The following NEGR1 variants were observed in gnomAD, a reference collection of about 807,000 sequenced individuals.
NEGR1 encodes neuronal growth regulator 1.
In NEGR1, 10 loss-of-function variants were observed where a neutral mutation model predicts 40.9. The observed-to-expected ratio is 0.24, with a 90% CI of 0.15 to 0.42. NEGR1 has a LOEUF of 0.42. NEGR1 is among the 10% of genes least tolerant of loss of function. The pLI is 1.00. For synonymous variants in NEGR1, 185 were observed against 166.8 expected (o/e 1.11, Z -0.84); for missense variants, 352 against 438.9 (o/e 0.80, Z 1.77).
intron 1 of NEGR1, among the ~76,000 whole-genome samples, chr1:72,174,768 T>TA (rs1209356760): frequency 1.3e-5 from 2 of 151,870 alleles, no homozygotes; most frequent in African/African-American, 2.4e-5. Flanking sequence ...AAAAAAAATT[T>TA]AAAAAAAATT....
intron 2 of NEGR1, among the ~76,000 whole-genome samples, chr1:71,864,656 G>A (rs980019418): frequency 6.6e-6 from 1 of 151,814 alleles, no homozygotes; most frequent in Non-Finnish European, 1.5e-5. Flanking sequence ...CAAAGAAAAG[G>A]GCAACACAAG....
intron 6 of NEGR1, among the ~76,000 whole-genome samples, chr1:71,496,945 T>C (rs1646967848): frequency 6.6e-6 from 1 of 152,180 alleles, no homozygotes; most frequent in African/African-American, 2.4e-5. Flanking sequence ...TACTGGAAAA[T>C]TGATAAATCA....
intron 1 of NEGR1, among the ~76,000 whole-genome samples, chr1:72,012,842 C>CATACATATAT (rs1553130329): frequency 7.1e-6 from 1 of 140,172 alleles, no homozygotes; most frequent in Non-Finnish European, 1.5e-5. Context: ...TATATACATA[C>CATACATATAT]ATATATATAT....
At chr1:72,164,449 T>G (rs1194688151) in intron 1 of NEGR1, among the ~76,000 whole-genome samples, 1 of 152,020 alleles carries the variant, frequency 6.6e-6, no homozygotes, top group Non-Finnish European at 1.5e-5. Flanking sequence ...CTGAATCAGC[T>G]TTAATATTCC....
intron 1 of NEGR1, among the ~76,000 whole-genome samples, chr1:72,179,533 T>C (rs976571149): frequency 6.6e-6 from 1 of 151,976 alleles, no homozygotes; most frequent in Non-Finnish European, 1.5e-5. Flanking sequence ...ATGTGTCCAG[T>C]AAGTATTAAG....
intron 4 of NEGR1, among the ~76,000 whole-genome samples, chr1:71,697,099 T>C (rs536156681): frequency 6.6e-6 from 1 of 151,940 alleles, no homozygotes; most frequent in East Asian, 1.9e-4. Context: ...CAACTGCTGA[T>C]TAGCTTTAAC....
At chr1:71,493,771 T>G (rs1299660715) in intron 6 of NEGR1, among the ~76,000 whole-genome samples, 1 of 152,228 alleles carries the variant, frequency 6.6e-6, no homozygotes, top group African/African-American at 2.4e-5. Context: ...TTCCAGTTTT[T>G]GTTGTGTCAA....
chr1:71,505,527 A>C (rs1431413205), intron 6 of NEGR1, among the ~76,000 whole-genome samples: 1 of 151,984 alleles, frequency 6.6e-6, no homozygotes, highest in Non-Finnish European at 1.5e-5. Context: ...GTGATCCACC[A>C]GCCTCAGCCT....
intron 2 of NEGR1, among the ~76,000 whole-genome samples, chr1:71,834,376 T>C (rs1042310041): frequency 2.0e-5 from 3 of 152,030 alleles, no homozygotes; most frequent in Admixed American, 1.3e-4. Context: ...ACCTCCCCAG[T>C]GTGGGTGGGC....
intron 6 of NEGR1, among the ~76,000 whole-genome samples, chr1:71,534,069 T>A (rs376318478): frequency 4.6e-5 from 7 of 151,786 alleles, no homozygotes; most frequent in South Asian, 2.1e-4. Flanking sequence ...TTATGTAAAA[T>A]CTTGCCTTGG....
At chr1:72,077,665 T>TAGGC (rs1018473727) in intron 1 of NEGR1, among the ~76,000 whole-genome samples, 6 of 149,916 alleles carry the variant, frequency 4.0e-5, no homozygotes, top group African/African-American at 1.5e-4. Context: ...AATAAATAAA[T>TAGGC]AGGCCGGTGC....
intron 1 of NEGR1, among the ~76,000 whole-genome samples, chr1:72,173,432 T>C (rs1041994825): frequency 1.3e-5 from 2 of 151,168 alleles, no homozygotes; most frequent in East Asian, 3.9e-4. Flanking sequence ...TGTTGGATTA[T>C]CACCTCGAAT....
In NEGR1 at chr1:71,789,881, G is replaced by A. The variant is rs1481188753; in HGVS notation, c.410-13584C>T. Among the ~76,000 whole-genome samples the A allele has an allele frequency of 2.6e-5, 4 of 152,122 alleles. No homozygotes were observed. In the East Asian group the frequency reaches 7.7e-4, roughly 29 times the overall value. ...AATCCAAATATGCTACCTGGTAAAA[G>A]TTAGCTCTTTTATTCTGTATTTTTG... is the stretch of plus-strand genomic sequence containing the variant. On this transcript the variant is annotated intron_variant, in intron 2 of 6. Coordinates refer to ENST00000357731, the MANE Select transcript of NEGR1 (RefSeq NM_173808.3).
At chr1:71,421,521 C>A (rs1160623419) in intron 6 of NEGR1, 2 of 152,054 alleles carry the variant, frequency 1.3e-5, no homozygotes, top group African/African-American at 2.4e-5. Flanking sequence ...ACAGTAACTT[C>A]TCTACTTCCT....
At chr1:71,483,840 A>G (rs565821954) in intron 6 of NEGR1, among the ~76,000 whole-genome samples, 1 of 151,936 alleles carries the variant, frequency 6.6e-6, no homozygotes, top group South Asian at 2.1e-4. Context: ...ATAAATGAAA[A>G]TGCCTAGCAT....
intron 3 of NEGR1, among the ~76,000 whole-genome samples, chr1:71,744,737 T>C (rs775509848): frequency 4.6e-5 from 7 of 152,182 alleles, no homozygotes; most frequent in Non-Finnish European, 8.8e-5. Context: ...AGTTCAATCT[T>C]AGTTTTTTAA....
Position 71,398,699 on chromosome 1 carries a change from G to T in NEGR1, c.*8747C>A, listed in dbSNP as rs954358425. Reference sequence around the variant, plus strand: ...AGGGACTGTTGGGAAAGCATGATTGGTTTTGAAATGTGAGGACATGAGATT... The same window carrying T: ...AGGGACTGTTGGGAAAGCATGATTGTTTTTGAAATGTGAGGACATGAGATT... On this transcript the variant is annotated 3_prime_UTR_variant, in exon 7 of 7. Transcript: ENST00000357731. The T allele has an allele frequency of 9.2e-5, 14 of 152,208 alleles. No homozygotes were observed. The highest frequency in any genetic ancestry group is 3.4e-4 in the African/African-American group (14 of 41,422). 9.4% of individuals were successfully genotyped at this position (152,208 alleles called of 1,614,324 possible).
At chr1:71,792,782 G>A (rs1657164142) in intron 2 of NEGR1, among the ~76,000 whole-genome samples, 1 of 152,008 alleles carries the variant, frequency 6.6e-6, no homozygotes, top group East Asian at 1.9e-4. Flanking sequence ...GAACTAAGCT[G>A]TATGCTTGTT....
intron 3 of NEGR1, among the ~76,000 whole-genome samples, chr1:71,721,552 A>G (rs144699591): frequency 6.6e-6 from 1 of 152,246 alleles, no homozygotes; most frequent in East Asian, 1.9e-4. Context: ...AGTAAAATAG[A>G]GCAAGTTTTC....
Sources: gnomAD v4.1 joint callset for allele counts (sites outside exome capture counted in the v4.1 genomes callset) on GRCh38, gnomAD v4.1.1 for gene constraint, MANE v1.5 for transcripts, NCBI Gene and HGNC (gene_info 2026-07-23, HGNC 2026-07-21) for gene names.